The following C2 variants were observed in gnomAD, a reference collection of about 807,000 sequenced individuals.
C2 encodes the protein complement C2.
A neutral mutation model predicts 85.2 loss-of-function variants in C2; 64 were observed. The observed-to-expected ratio is 0.75, with a 90% CI of 0.61 to 0.92. The LOEUF is 0.92. C2 is among the 40% of genes least tolerant of loss of function. C2 has a pLI of 0.00. For missense variants in C2, 820 were observed against 971.6 expected (o/e 0.84, Z 2.07); for synonymous variants, 311 against 370.8 (o/e 0.84, Z 1.85).
chr6:31,928,300 C>T (rs748020867), intron 2 of C2, 136 bp downstream of exon 2: 9 of 775,270 alleles, frequency 1.2e-5, no homozygotes, highest in Non-Finnish European at 2.0e-5. Flanking sequence ...TTCAAAATAT[C>T]CAGAAAATGT....
At chr6:31,934,348 A>T (rs370924181) in intron 6 of C2, 49 bp downstream of exon 6, 1 of 1,612,456 alleles carries the variant, frequency 6.2e-7, no homozygotes. Flanking sequence ...TGTGCTCACT[A>T]TCTCTCTCTG....
chr6:31,914,396 G>C (rs1258723924), intron 1 of C2, among the ~76,000 whole-genome samples: 1 of 146,628 alleles, frequency 6.8e-6, no homozygotes, highest in Non-Finnish European at 1.5e-5. Flanking sequence ...TTCGAGACCA[G>C]CCTGGCCAAT....
intron 6 of C2, chr6:31,934,566 A>G (rs1211167887): frequency 6.9e-7 from 1 of 1,446,094 alleles, no homozygotes; most frequent in Admixed American, 2.5e-5. Flanking sequence ...CATCATCTAG[A>G]ACAGTGGTCT....
At chr6:31,934,439 A>T in intron 6 of C2, 140 bp downstream of exon 6, 1 of 1,288,896 alleles carries the variant, frequency 7.8e-7, no homozygotes, top group Non-Finnish European at 1.1e-6. Context: ...GCCATGTAGG[A>T]ATCATGAATT....
rs1771167697 is a variant in C2, at chr6:31,944,280, G to C, written c.1902+54G>C. ...ATCCCCCTGTGACAGCTCCCAGAAT[G>C]TCTCTCTTCCTTCTCCAGGTCTGGC... On this transcript the variant is annotated intron_variant, in intron 15 of 17. Coordinates refer to ENST00000299367, the MANE Select transcript of C2 (RefSeq NM_000063.6). This position sits in a 1 kb window ranked among gnomAD's most constrained non-coding sequence, Gnocchi z 5.1. 8.0e-7 allele frequency: 1 copy of C among 1,242,890 alleles called. No individual in the cohort carries two copies. The highest frequency in any genetic ancestry group is 2.3e-5 in the East Asian group (1 of 43,242). The allele number at this position is 1,242,890 out of a possible 1,614,324, so 77.0% of individuals were successfully genotyped here. A position where few individuals can be genotyped will look rare whatever the true frequency, so the allele number is the denominator to read the frequency against.
At chr6:31,924,035 T>C (rs1310639804), upstream of C2, among the ~76,000 whole-genome samples, 101 of 123,580 alleles carry the variant, frequency 8.2e-4, no homozygotes, top group Middle Eastern at 0.021. Flanking sequence ...CTCCTGACCT[T>C]GTGATCCACC....
chr6:31,909,889 GTTTT>G (rs1301868992), intron 1 of C2, among the ~76,000 whole-genome samples: 1 of 148,828 alleles, frequency 6.7e-6, no homozygotes, highest in Non-Finnish European at 1.5e-5. Context: ...TTTGTTTTTT[GTTTT>G]TTTTTGAGAC....
chr6:31,900,736 C>T (rs746242826), upstream of C2: 3 of 1,595,666 alleles, frequency 1.9e-6, no homozygotes. This position sits in a 1 kb window ranked among gnomAD's most constrained non-coding sequence, Gnocchi z 9.7. Context: ...CTTTCAGCTC[C>T]AAGTCTTCAT....
chr6:31,944,333 C>A lies in C2; in HGVS notation c.1902+107C>A. 1.2e-6 allele frequency: 1 copy of A among 812,342 alleles called. No homozygotes were observed. Among genetic ancestry groups the A allele is most frequent in the Non-Finnish European group, 2.1e-6 (1 of 468,412 alleles). 50.3% of individuals were successfully genotyped at this position (812,342 alleles called of 1,614,324 possible). A position where few individuals can be genotyped will look rare whatever the true frequency, so the allele number is the denominator to read the frequency against. The stretch of plus-strand genomic sequence containing the variant: ...CTTTCTCTCTCTGACGCGGGTCACC[C>A]CTCCTCCCAAGCCTCACAAACCTGC... On this transcript the variant is annotated intron_variant, in intron 15 of 17. Coordinates refer to ENST00000299367, the MANE Select transcript of C2 (RefSeq NM_000063.6). The surrounding 1 kb of genome is among the most constrained non-coding windows in gnomAD (Gnocchi z 5.1).
upstream of C2, chr6:31,900,465 T>C (rs1767129970): frequency 1.3e-6 from 2 of 1,594,246 alleles, no homozygotes; most frequent in Non-Finnish European, 1.7e-6. This position sits in a 1 kb window ranked among gnomAD's most constrained non-coding sequence, Gnocchi z 9.7. Context: ...CCTCCGGGAA[T>C]CAACAGCAGG....
chr6:31,934,568 C>A, intron 6 of C2: 1 of 1,443,468 alleles, frequency 6.9e-7, no homozygotes, highest in Non-Finnish European at 9.1e-7. Context: ...TCATCTAGAA[C>A]AGTGGTCTCC....
chr6:31,937,592 G>T, intron 8 of C2, 133 bp downstream of exon 8: 1 of 1,071,858 alleles, frequency 9.3e-7, no homozygotes, highest in Non-Finnish European at 1.4e-6. Context: ...TTAGAGATGG[G>T]GCCTTGCTAT....
At chr6:31,903,764 G>A (rs1236702066) in intron 1 of C2, among the ~76,000 whole-genome samples, 5 of 152,098 alleles carry the variant, frequency 3.3e-5, no homozygotes, top group Non-Finnish European at 7.3e-5. Flanking sequence ...ATGCTGTTTG[G>A]CAGGAGGGTG....
At chr6:31,929,728 A>AT (rs2151743788) in intron 3 of C2, among the ~76,000 whole-genome samples, 1 of 144,406 alleles carries the variant, frequency 6.9e-6, no homozygotes. Flanking sequence ...AAAAAAAAAA[A>AT]AAAAAAAAAA....
In C2 at chr6:31,945,037, G is replaced by A. The variant is rs1161774377; in HGVS notation, c.2079+8G>A. Reference sequence around the variant, plus strand: ...AGATTCAGGTTTTTTCAGGTGAGAAGGTAGAAGCTTGCAGGACCCAGGGGT... The same window carrying A: ...AGATTCAGGTTTTTTCAGGTGAGAAAGTAGAAGCTTGCAGGACCCAGGGGT... On this transcript the variant is annotated splice_region_variant and intron_variant, in intron 17 of 17. Coordinates refer to ENST00000299367, the MANE Select transcript of C2 (RefSeq NM_000063.6). This position sits in a 1 kb window ranked among gnomAD's most constrained non-coding sequence, Gnocchi z 5.3. The A allele has an allele frequency of 5.0e-6, 8 of 1,613,048 alleles. No homozygotes were observed. The highest frequency in any genetic ancestry group is 6.8e-6 in the Non-Finnish European group (8 of 1,180,008).
At chr6:31,934,991 A>G in intron 6 of C2, 4 of 660,530 alleles carry the variant, frequency 6.1e-6, no homozygotes, top group Non-Finnish European at 7.5e-6. Context: ...CTGGGCAACT[A>G]GAGCAAAACT....
chr6:31,909,129 A>G lies in C2; in HGVS notation c.73+7990A>G, dbSNP rs150059496. Among the ~76,000 whole-genome samples the G allele has an allele frequency of 3.8e-3, 577 of 151,864 alleles. 7 individuals carry two copies. The highest frequency in any genetic ancestry group is 8.7e-3 in the African/African-American group (360 of 41,344). ...TACATGTTCTGGGGCTGGCCTTTTC[A>G]CTCAACATTATGGTTTTGTTGACTT... On this transcript the variant is annotated intron_variant, in intron 1 of 3. Coordinates refer to the C2 transcript ENST00000452202.
At chr6:31,929,006 G>T in intron 3 of C2, 89 bp downstream of exon 3, 2 of 1,219,968 alleles carry the variant, frequency 1.6e-6, no homozygotes, top group Non-Finnish European at 2.3e-6. Context: ...GCCTCTGTGG[G>T]GATAGGAGTC....
chr6:31,900,627 C>T (rs201121876), upstream of C2: 90 of 1,612,678 alleles, frequency 5.6e-5, no homozygotes, highest in Non-Finnish European at 7.4e-5. This position sits in a 1 kb window ranked among gnomAD's most constrained non-coding sequence, Gnocchi z 9.7. Flanking sequence ...CCCAGGCCTC[C>T]AGGGGGTTTG....
Sources: gnomAD v4.1 joint callset for allele counts (sites outside exome capture counted in the v4.1 genomes callset) on GRCh38, gnomAD v4.1.1 for gene constraint, Gnocchi (gnomAD v3.1) non-coding constraint, MANE v1.5 for transcripts, NCBI Gene and HGNC (gene_info 2026-07-23, HGNC 2026-07-21) for gene names.